Variants in MGST1 observed in about 807,000 individuals in gnomAD.
MGST1 encodes microsomal glutathione S-transferase 1, also known as glutathione S-transferase 12.
A neutral mutation model predicts 8.9 loss-of-function variants in MGST1; 5 were observed. The observed-to-expected ratio is 0.56, with a 90% CI of 0.29 to 1.19. The LOEUF is 1.19. MGST1 is among the 50% of genes most tolerant of loss of function. The pLI is 0.08. For synonymous variants in MGST1, 54 were observed against 67.8 expected (o/e 0.80, Z 1.00); for missense variants, 182 against 187.4 (o/e 0.97, Z 0.17).
intron 4 of MGST1, among the ~76,000 whole-genome samples, chr12:16,583,167 G>A (rs1456188258): frequency 3.3e-5 from 5 of 152,030 alleles, no homozygotes; most frequent in East Asian, 1.9e-4. Context: ...AGATGATCCC[G>A]GATAAAATGC....
intron 1 of MGST1, among the ~76,000 whole-genome samples, chr12:16,393,707 G>T (rs11056917): frequency 1.3e-5 from 2 of 152,130 alleles, no homozygotes; most frequent in Admixed American, 1.3e-4. Flanking sequence ...AGCCTGTTGC[G>T]CTCATTATGT....
intron 4 of MGST1, among the ~76,000 whole-genome samples, chr12:16,472,440 T>C (rs1941295068): frequency 6.6e-6 from 1 of 151,982 alleles, no homozygotes; most frequent in Admixed American, 6.6e-5. Flanking sequence ...TCTGTTTTTT[T>C]TTTTTTTTTT....
intron 1 of MGST1, among the ~76,000 whole-genome samples, chr12:16,384,301 G>T (rs1282465138): frequency 5.3e-5 from 8 of 152,170 alleles, no homozygotes. Context: ...GGAAAAAAGG[G>T]TTTGGGCAGA....
intron 4 of MGST1, among the ~76,000 whole-genome samples, chr12:16,476,446 C>G (rs925583184): frequency 1.3e-5 from 2 of 152,188 alleles, no homozygotes; most frequent in Non-Finnish European, 2.9e-5. Flanking sequence ...AACCTTCTCT[C>G]AGCAAGCATT....
chr12:16,399,768 G>T, intron 1 of MGST1: 2 of 1,167,816 alleles, frequency 1.7e-6, no homozygotes, highest in Admixed American at 3.4e-5. Flanking sequence ...CAGGTTGCAG[G>T]AATTCAACCA....
chr12:16,511,051 G>A (rs1487743102), intron 4 of MGST1, among the ~76,000 whole-genome samples: 1 of 152,066 alleles, frequency 6.6e-6, no homozygotes, highest in East Asian at 1.9e-4. Context: ...ATTTTACAAA[G>A]GCTATGTTTG....
intron 4 of MGST1, chr12:16,514,039 G>T: frequency 2.5e-6 from 1 of 406,098 alleles, no homozygotes; most frequent in South Asian, 2.3e-5. Flanking sequence ...CACAGGAGTG[G>T]ACCCTGGTCC....
At chr12:16,417,920 G>A (rs986967740) in intron 1 of MGST1, among the ~76,000 whole-genome samples, 1 of 152,150 alleles carries the variant, frequency 6.6e-6, no homozygotes, top group African/African-American at 2.4e-5. Context: ...GTATTTAAAT[G>A]TAATTGAGGT....
chr12:16,367,988 T>C (rs1442276141), downstream of MGST1, among the ~76,000 whole-genome samples: 9 of 138,730 alleles, frequency 6.5e-5, no homozygotes, highest in African/African-American at 2.7e-4. Context: ...ACAAAGAGGC[T>C]ACTTCTTGGA....
chr12:16,475,795 C>G (rs1941318839), intron 4 of MGST1, among the ~76,000 whole-genome samples: 1 of 152,092 alleles, frequency 6.6e-6, no homozygotes, highest in South Asian at 2.1e-4. Flanking sequence ...TCCCAGGTGG[C>G]TGATGAATTA....
At position 16,555,617 on chromosome 12, in the gene MGST1, G is replaced by A. The variant is rs1942163209; in HGVS notation, n.483-33911G>A. 6.6e-6 allele frequency among the ~76,000 whole-genome samples: 1 copy of A among 152,016 alleles called. No individual in the cohort carries two copies. Among genetic ancestry groups the A allele is most frequent in the South Asian group, 2.1e-4 (1 of 4,818 alleles). ...TATTCATTTTGACTTTTATTTAATG[G>A]CTTTTCAAAGACTAAGTTTACAATT... On this transcript the variant is annotated intron_variant and non_coding_transcript_variant, in intron 4 of 4. Coordinates refer to the MGST1 transcript ENST00000538857. The surrounding 1 kb of genome is among the most constrained non-coding windows in gnomAD (Gnocchi z 5.5).
At chr12:16,461,863 T>C (rs940207138) in intron 4 of MGST1, among the ~76,000 whole-genome samples, 1 of 152,148 alleles carries the variant, frequency 6.6e-6, no homozygotes, top group Non-Finnish European at 1.5e-5. Flanking sequence ...TATCATGTAT[T>C]ATCCCCAACC....
chr12:16,359,238 G>A (rs73316635), intron 3 of MGST1, among the ~76,000 whole-genome samples: 3,464 of 152,116 alleles, frequency 0.023, 139 homozygotes, highest in African/African-American at 0.078. Flanking sequence ...CCTCCTTCAC[G>A]CAAGCAATGC....
Position 16,559,947 on chromosome 12 carries a change from C to T in MGST1, n.483-29581C>T, listed in dbSNP as rs1942331279. On this transcript the variant is annotated intron_variant and non_coding_transcript_variant, in intron 4 of 4. Transcript: ENST00000538857. The surrounding 1 kb of genome is among the most constrained non-coding windows in gnomAD (Gnocchi z 4.1). ...TGCGCTCTAGGCTGGGTGACAGAAC[C>T]AGACCTTGTATTTAAAAAAGCAAAA... 6.6e-6 allele frequency among the ~76,000 whole-genome samples: 1 copy of T among 151,844 alleles called. No homozygotes were observed. Among genetic ancestry groups the T allele is most frequent in the African/African-American group, 2.4e-5 (1 of 41,348 alleles).
At position 16,363,981 on chromosome 12, in the gene MGST1, T is replaced by C. The variant is rs200085820; in HGVS notation, c.408T>C (p.Val136=). Residue 136 remains valine (V), a synonymous_variant, in exon 4 of 4, where the codon GTT becomes GTC. Coordinates refer to ENST00000396210, the MANE Select transcript of MGST1 (RefSeq NM_020300.5). This position sits in a 1 kb window ranked among gnomAD's most constrained non-coding sequence, Gnocchi z 4.6. ...PQPNRALSFF[V]GYGVTLSMAY... is the part of the protein sequence containing the mutation. ...CAAATAGAGCTTTGAGTTTTTTTGT[T>C]GGATATGGAGTTACTCTTTCCATGG... The C allele has an allele frequency of 5.6e-5, 90 of 1,613,912 alleles. No homozygotes were observed. In the East Asian group the frequency reaches 1.5e-3, roughly 27 times the overall value.
chr12:16,525,478 A>AT (rs1478846886), intron 4 of MGST1, among the ~76,000 whole-genome samples: 4 of 150,952 alleles, frequency 2.6e-5, no homozygotes, highest in Non-Finnish European at 5.9e-5. Context: ...TGAACTCATC[A>AT]TTTTTTATGG....
At chr12:16,499,148 T>C (rs1451005640) in intron 4 of MGST1, among the ~76,000 whole-genome samples, 2 of 152,228 alleles carry the variant, frequency 1.3e-5, no homozygotes, top group African/African-American at 4.8e-5. Context: ...TTTAAGTATT[T>C]TCTTTAACAT....
At chr12:16,393,132 C>T (rs948253473) in intron 1 of MGST1, among the ~76,000 whole-genome samples, 4 of 152,138 alleles carry the variant, frequency 2.6e-5, no homozygotes, top group Admixed American at 2.0e-4. Context: ...TGTTTAGAGA[C>T]ATATGACCAC....
intron 4 of MGST1, among the ~76,000 whole-genome samples, chr12:16,505,341 T>C (rs1336092204): frequency 6.6e-6 from 1 of 152,212 alleles, no homozygotes; most frequent in Non-Finnish European, 1.5e-5. Context: ...GACAACCTGC[T>C]CCAGAGCTAG....
Sources: gnomAD v4.1 joint callset for allele counts (sites outside exome capture counted in the v4.1 genomes callset) on GRCh38, gnomAD v4.1.1 for gene constraint, Gnocchi (gnomAD v3.1) non-coding constraint, MANE v1.5 for transcripts, NCBI Gene and HGNC (gene_info 2026-07-23, HGNC 2026-07-21) for gene names.